The following MAP2 variants were observed in gnomAD, a reference collection of about 807,000 sequenced individuals.
The protein encoded by MAP2 is microtubule associated protein 2.
A neutral mutation model predicts 137.6 loss-of-function variants in MAP2; 14 were observed. The observed-to-expected ratio is 0.10, with a 90% CI of 0.07 to 0.16. The LOEUF (loss-of-function observed/expected upper bound fraction) is 0.16. Ranked by LOEUF, MAP2 falls within the 10% of genes least tolerant of loss-of-function variation. MAP2 has a pLI of 1.00. For synonymous variants in MAP2, 786 were observed against 782.3 expected (o/e 1.00, Z -0.08); for missense variants, 2,088 against 2,191.5 (o/e 0.95, Z 0.94).
intron 13 of MAP2, among the ~76,000 whole-genome samples, 198 bp from the exon 14 acceptor site, chr2:209,725,510 GT>G (rs1171600974): frequency 6.6e-6 from 1 of 152,032 alleles, no homozygotes; most frequent in Admixed American, 6.6e-5. Flanking sequence ...TTTCACTTGG[GT>G]TCTTCTTTCC....
intron 2 of MAP2, among the ~76,000 whole-genome samples, chr2:209,544,682 G>A (rs762396255): frequency 1.3e-5 from 2 of 152,056 alleles, no homozygotes; most frequent in Admixed American, 6.6e-5. Context: ...TGAATTATTC[G>A]GTAAAAGTAA....
At chr2:209,565,579 C>G (rs1240951466) in intron 2 of MAP2, among the ~76,000 whole-genome samples, 2 of 152,106 alleles carry the variant, frequency 1.3e-5, no homozygotes, top group Non-Finnish European at 2.9e-5. Context: ...TATTTCCATC[C>G]ATGATTTATA....
intron 3 of MAP2, among the ~76,000 whole-genome samples, chr2:209,598,996 A>G (rs1476179212): frequency 6.6e-6 from 1 of 152,038 alleles, no homozygotes; most frequent in Non-Finnish European, 1.5e-5. Flanking sequence ...TGATATTTCT[A>G]GTTCTAGATC....
chr2:209,529,467 A>G (rs2150537509), intron 2 of MAP2, among the ~76,000 whole-genome samples: 1 of 152,290 alleles, frequency 6.6e-6, no homozygotes, highest in South Asian at 2.1e-4. Flanking sequence ...TGAGAAAAGC[A>G]TATATCTCCT....
intron 3 of MAP2, among the ~76,000 whole-genome samples, chr2:209,593,634 A>AAAAAAAAAATATAT (rs1286103137): frequency 3.0e-5 from 1 of 33,644 alleles, no homozygotes; most frequent in Non-Finnish European, 4.9e-5. Context: ...AAAAAAAAAA[A>AAAAAAAAAATATAT]ATATATATAT....
chr2:209,516,116 G>A (rs1019702756), intron 2 of MAP2, among the ~76,000 whole-genome samples: 1 of 152,118 alleles, frequency 6.6e-6, no homozygotes, highest in Non-Finnish European at 1.5e-5. Context: ...TTTATAAACA[G>A]AGTATTCCTC....
intron 7 of MAP2, chr2:209,690,943 C>T: frequency 9.0e-7 from 1 of 1,112,620 alleles, no homozygotes; most frequent in Non-Finnish European, 1.2e-6. Context: ...TTCGCTATTT[C>T]ATCGCTGGGT....
intron 13 of MAP2, among the ~76,000 whole-genome samples, chr2:209,711,883 TCTC>T (rs1285683600): frequency 1.3e-5 from 2 of 152,114 alleles, no homozygotes; most frequent in Non-Finnish European, 2.9e-5. Flanking sequence ...GTCCTGTTAT[TCTC>T]CTCAACTAGA....
intron 12 of MAP2, among the ~76,000 whole-genome samples, chr2:209,707,473 C>A (rs2153750014): frequency 6.6e-6 from 1 of 152,168 alleles, no homozygotes; most frequent in African/African-American, 2.4e-5. Context: ...GATGTTCTAA[C>A]ATTTTGTGCA....
At chr2:209,549,938 A>G (rs1391181371) in intron 2 of MAP2, among the ~76,000 whole-genome samples, 2 of 152,206 alleles carry the variant, frequency 1.3e-5, no homozygotes, top group African/African-American at 4.8e-5. Flanking sequence ...TTGGTGGTGA[A>G]CAATTTTTGA....
chr2:209,710,284 C>T, intron 13 of MAP2, 30 bp downstream of exon 13: 1 of 1,502,012 alleles, frequency 6.7e-7, no homozygotes, highest in South Asian at 1.2e-5. Context: ...ATATTTGCTG[C>T]CAGAAATAAT....
chr2:209,497,492 A>C (rs1402452623), intron 1 of MAP2, among the ~76,000 whole-genome samples: 1 of 152,138 alleles, frequency 6.6e-6, no homozygotes, highest in African/African-American at 2.4e-5. Context: ...GTTATGTTAG[A>C]CTATATTAGG....
At chr2:209,560,730 G>C (rs75997677) in intron 2 of MAP2, among the ~76,000 whole-genome samples, 1,669 of 152,008 alleles carry the variant, frequency 0.011, 28 homozygotes, top group African/African-American at 0.039. Context: ...GGATTGTTGT[G>C]GGTTTTACTT....
chr2:209,520,672 C>A (rs1384739748), intron 2 of MAP2, among the ~76,000 whole-genome samples: 1 of 151,962 alleles, frequency 6.6e-6, no homozygotes, highest in Non-Finnish European at 1.5e-5. Context: ...CGCTTAAGAC[C>A]TTCTGAGGCC....
chr2:209,533,030 C>T (rs2065371995), intron 2 of MAP2, among the ~76,000 whole-genome samples: 1 of 152,114 alleles, frequency 6.6e-6, no homozygotes, highest in African/African-American at 2.4e-5. Context: ...CCCCTTTGTA[C>T]CACTTCAAAA....
At chr2:209,566,223 A>G (rs1478317144) in intron 2 of MAP2, among the ~76,000 whole-genome samples, 5 of 152,192 alleles carry the variant, frequency 3.3e-5, no homozygotes, top group African/African-American at 1.2e-4. Flanking sequence ...AACCATCCTA[A>G]TTAATATATC....
intron 4 of MAP2, among the ~76,000 whole-genome samples, chr2:209,630,989 T>C (rs1461597026): frequency 1.3e-5 from 1 of 78,058 alleles, no homozygotes; most frequent in African/African-American, 4.1e-5. Context: ...TTTTCAAGAT[T>C]GAAGGGAGCT....
chr2:209,594,531 C>A (rs2153443783), intron 3 of MAP2, among the ~76,000 whole-genome samples: 1 of 152,184 alleles, frequency 6.6e-6, no homozygotes, highest in Admixed American at 6.5e-5. Flanking sequence ...TTTTCTCTTT[C>A]TGTCTCAGCC....
Position 209,693,533 on chromosome 2 carries a change from G to C in MAP2, c.1363G>C (p.Ala455Pro). ...AAAAACCACCATTTCTGACAAAGAA[G>C]CTGTGCCAAAAGAGAGTAAACCCCC... Reference protein sequence around the residue: ...EEKTTISDKEAVPKESKPPKP... With the variant: ...EEKTTISDKEPVPKESKPPKP... Residue 455 changes from alanine to proline, a missense_variant, in exon 8 of 16, where the codon GCT becomes CCT. Around this residue, in one of 6 missense-constraint regions of MAP2, gnomAD observed 859 missense variants for 794.5 expected, o/e 1.08. Transcript: ENST00000682079. 6.2e-7 allele frequency: 1 copy of C among 1,611,006 alleles called. No homozygotes were observed. Among genetic ancestry groups the C allele is most frequent in the Non-Finnish European group, 8.5e-7 (1 of 1,179,360 alleles).
Sources: gnomAD v4.1 joint callset for allele counts (sites outside exome capture counted in the v4.1 genomes callset) on GRCh38, gnomAD v4.1.1 for gene constraint, gnomAD v4.1.1 regional missense constraint, MANE v1.5 for transcripts, NCBI Gene and HGNC (gene_info 2026-07-23, HGNC 2026-07-21) for gene names.